The following RSRC1 variants were observed in gnomAD, a reference collection of about 807,000 sequenced individuals.
RSRC1 encodes arginine and serine rich coiled-coil 1.
In RSRC1, 39 loss-of-function variants were observed where a neutral mutation model predicts 49.1. The observed-to-expected ratio is 0.79, with a 90% confidence interval of 0.61 to 1.04. The LOEUF (loss-of-function observed/expected upper bound fraction) is 1.04. RSRC1 is among the 50% of genes least tolerant of loss of function. The pLI is 0.00. For synonymous variants in RSRC1, 143 were observed against 130.8 expected (o/e 1.09, Z -0.63); for missense variants, 388 against 402.4 (o/e 0.96, Z 0.31).
chr3:158,529,488 C>T (rs1354210814), intron 7 of RSRC1, among the ~76,000 whole-genome samples: 5 of 151,796 alleles, frequency 3.3e-5, no homozygotes, highest in Admixed American at 6.6e-5. Context: ...CTCAGTTTCT[C>T]ATCTTTACAA....
chr3:158,372,379 T>C (rs1402089950), intron 6 of RSRC1, among the ~76,000 whole-genome samples: 1 of 151,888 alleles, frequency 6.6e-6, no homozygotes, highest in East Asian at 1.9e-4. Context: ...GGATATCTTA[T>C]TATTCCAGTG....
chr3:158,462,809 A>G (rs1184242967), intron 7 of RSRC1, among the ~76,000 whole-genome samples: 3 of 152,004 alleles, frequency 2.0e-5, no homozygotes, highest in Non-Finnish European at 4.4e-5. Context: ...ACTTTTCACT[A>G]AATCACACTG....
intron 5 of RSRC1, among the ~76,000 whole-genome samples, chr3:158,330,312 G>T (rs952423844): frequency 6.6e-5 from 10 of 152,192 alleles, no homozygotes; most frequent in Admixed American, 5.2e-4. Context: ...CGTCTTCTGC[G>T]TCGCTCACTC....
At position 158,166,641 on chromosome 3, in the gene RSRC1, A is replaced by C. The variant is rs1170115734; in HGVS notation, c.321-36431A>C. 2.0e-5 allele frequency among the ~76,000 whole-genome samples: 3 copies of C among 152,282 alleles called. No individual in the cohort carries two copies. In the East Asian group the frequency reaches 5.8e-4, roughly 29 times the overall value. On this transcript the variant is annotated intron_variant, in intron 3 of 9. Coordinates refer to ENST00000611884, the MANE Select transcript of RSRC1 (RefSeq NM_001271838.2). ...TCCCTTAACAAGTTCATTATTCAAG[A>C]ATTTGGAGGCTTAAATGTGAATCAG...
chr3:158,205,889 G>T lies in RSRC1; in HGVS notation c.494+2644G>T, dbSNP rs1057052660. On this transcript the variant is annotated intron_variant, in intron 4 of 9. Coordinates refer to ENST00000611884, the MANE Select transcript of RSRC1 (RefSeq NM_001271838.2). The stretch of plus-strand genomic sequence containing the variant: ...TACGAATTTGTGTTGGGCCACATTC[G>T]AAGCTGTCCTGGGCTGCATGTGGCC... 3.9e-5 allele frequency among the ~76,000 whole-genome samples: 6 copies of T among 152,238 alleles called. No individual in the cohort carries two copies. In the East Asian group the frequency reaches 9.7e-4, roughly 24 times the overall value.
chr3:158,453,382 CTTTT>C (rs11288276), intron 6 of RSRC1, among the ~76,000 whole-genome samples: 1 of 138,134 alleles, frequency 7.2e-6, no homozygotes, highest in South Asian at 2.3e-4. Context: ...AGCCCGGAAC[CTTTT>C]TTTTTTTTTT....
At chr3:158,189,107 C>A (rs1720082960) in intron 3 of RSRC1, among the ~76,000 whole-genome samples, 1 of 151,720 alleles carries the variant, frequency 6.6e-6, no homozygotes, top group South Asian at 2.1e-4. Flanking sequence ...TACTTAATTT[C>A]CAAACATTTA....
At chr3:158,203,887 G>T (rs1721211008) in intron 4 of RSRC1, among the ~76,000 whole-genome samples, 1 of 152,140 alleles carries the variant, frequency 6.6e-6, no homozygotes. Flanking sequence ...ACTCATAAGT[G>T]TTTGTCAAAT....
intron 7 of RSRC1, among the ~76,000 whole-genome samples, chr3:158,529,002 C>T (rs930365972): frequency 6.6e-6 from 1 of 151,436 alleles, no homozygotes; most frequent in African/African-American, 2.4e-5. Flanking sequence ...AGGTTGTTTG[C>T]AGGCTTAAGG....
intron 7 of RSRC1, among the ~76,000 whole-genome samples, chr3:158,497,915 C>CGT (rs544184512): frequency 7.2e-4 from 110 of 152,154 alleles, no homozygotes; most frequent in African/African-American, 2.6e-3. Flanking sequence ...AGTATTCCAT[C>CGT]GTGTGTGTAT....
At chr3:158,170,134 T>G (rs1718787053) in intron 3 of RSRC1, among the ~76,000 whole-genome samples, 1 of 152,174 alleles carries the variant, frequency 6.6e-6, no homozygotes, top group Non-Finnish European at 1.5e-5. Context: ...ATCTCAAGAT[T>G]AGGCTTAGTT....
chr3:158,299,384 T>C (rs1294342805), intron 5 of RSRC1, among the ~76,000 whole-genome samples: 2 of 151,952 alleles, frequency 1.3e-5, no homozygotes, highest in African/African-American at 2.4e-5. Context: ...CCCAGATTAG[T>C]GTGCAGTGGT....
At chr3:158,168,323 G>A in intron 3 of RSRC1, among the ~76,000 whole-genome samples, 1 of 152,150 alleles carries the variant, frequency 6.6e-6, no homozygotes, top group East Asian at 1.9e-4. Flanking sequence ...TACCCACTGA[G>A]CCTGGATGAA....
At chr3:158,168,439 A>G (rs931305670) in intron 3 of RSRC1, among the ~76,000 whole-genome samples, 1 of 152,230 alleles carries the variant, frequency 6.6e-6, no homozygotes, top group Non-Finnish European at 1.5e-5. Flanking sequence ...CTGATGTCAC[A>G]TTGAAGCATA....
intron 6 of RSRC1, among the ~76,000 whole-genome samples, chr3:158,379,442 C>T (rs1210777446): frequency 2.0e-5 from 3 of 151,948 alleles, no homozygotes; most frequent in East Asian, 1.9e-4. Flanking sequence ...CCTCGTGATC[C>T]GCCTGCCTTG....
chr3:158,533,199 T>C (rs1419958435), intron 7 of RSRC1, among the ~76,000 whole-genome samples: 1 of 151,770 alleles, frequency 6.6e-6, no homozygotes, highest in Non-Finnish European at 1.5e-5. Context: ...GCTGAAAATG[T>C]AAATCTCCTG....
intron 4 of RSRC1, among the ~76,000 whole-genome samples, chr3:158,205,471 A>G (rs1238067535): frequency 2.0e-5 from 3 of 152,084 alleles, no homozygotes; most frequent in Non-Finnish European, 4.4e-5. Flanking sequence ...CTTGTCAGGT[A>G]CTGTGTTAAG....
chr3:158,297,826 CTT>C, intron 4 of RSRC1, among the ~76,000 whole-genome samples: 1 of 151,916 alleles, frequency 6.6e-6, no homozygotes, highest in Non-Finnish European at 1.5e-5. Flanking sequence ...AAATCTGAAA[CTT>C]TTTTTAGTGA....
chr3:158,342,487 T>C (rs369247051), intron 5 of RSRC1, among the ~76,000 whole-genome samples: 8 of 152,200 alleles, frequency 5.3e-5, no homozygotes, highest in South Asian at 2.1e-4. Flanking sequence ...TGCCTTTCAC[T>C]TCCTGCCATG....
Sources: allele counts gnomAD v4.1 joint callset (sites outside exome capture counted in the v4.1 genomes callset), GRCh38; gene constraint gnomAD v4.1.1; transcripts MANE v1.5; gene names NCBI Gene and HGNC (gene_info 2026-07-23, HGNC 2026-07-21).